The following TMEM45A variants were observed in gnomAD, a reference collection of about 807,000 sequenced individuals.
TMEM45A encodes DNA polymerase-transactivated protein 4.
TMEM45A carries 25 observed loss-of-function variants against 32.0 expected under a neutral mutation model. The ratio of observed to expected loss-of-function variants is 0.78; its 90% CI spans 0.57 to 1.09. The LOEUF (loss-of-function observed/expected upper bound fraction) is 1.09. Among genes scored for constraint, TMEM45A ranks in the 50% least tolerant of loss-of-function variants. The pLI, the probability that TMEM45A is intolerant of heterozygous loss-of-function variation, is 0.00. For synonymous variants in TMEM45A, 122 were observed against 114.8 expected (o/e 1.06, Z -0.40); for missense variants, 302 against 325.0 (o/e 0.93, Z 0.54).
At chr3:100,569,070 A>G (rs1706503355) in intron 5 of TMEM45A, 103 bp downstream of exon 5, 1 of 1,211,714 alleles carries the variant, frequency 8.3e-7, no homozygotes. Flanking sequence ...TTCATTCCTT[A>G]TCATCCCATA....
intron 1 of TMEM45A, among the ~76,000 whole-genome samples, chr3:100,495,170 A>G (rs750995359): frequency 6.6e-6 from 1 of 152,196 alleles, no homozygotes; most frequent in Non-Finnish European, 1.5e-5. Context: ...ATAAGGAGAG[A>G]GAGTCTTGAA....
chr3:100,517,911 A>G (rs1708289596), intron 1 of TMEM45A, among the ~76,000 whole-genome samples: 1 of 152,346 alleles, frequency 6.6e-6, no homozygotes, highest in South Asian at 2.1e-4. Flanking sequence ...GCTTGTTTAC[A>G]GGCCTCACTT....
rs1706233844 is a variant in TMEM45A at position 100,556,937 on chromosome 3, C to G, written c.368C>G (p.Thr123Ser). ...ATCAGTTCACTTCCTGTGTCCTTAA[C>G]CAAGTTAATGTTGTCAAATGCCTTA... is the stretch of plus-strand genomic sequence containing the variant. ...FTISSLPVSL[T>S]KLMLSNALFV... is the part of the protein sequence containing the mutation. Residue 123 changes from threonine (T) to serine (S), a missense_variant, in exon 3 of 6, where the codon ACC becomes AGC. Thr to Ser is a moderately conservative substitution (Grantham distance 58). Coordinates refer to ENST00000323523, the MANE Select transcript of TMEM45A (RefSeq NM_018004.3). 2 of 1,614,164 alleles carry G rather than the reference C, an allele frequency of 1.2e-6. No homozygotes were observed. Among genetic ancestry groups the G allele is most frequent in the Non-Finnish European group, 1.7e-6 (2 of 1,180,020 alleles).
At chr3:100,494,488 G>T (rs62276522) in intron 1 of TMEM45A, among the ~76,000 whole-genome samples, 1 of 151,808 alleles carries the variant, frequency 6.6e-6, no homozygotes, top group African/African-American at 2.4e-5. Flanking sequence ...TGGGTGTGGT[G>T]GTGCGCACCT....
chr3:100,526,481 G>A (rs957727752), intron 1 of TMEM45A, among the ~76,000 whole-genome samples: 3 of 151,990 alleles, frequency 2.0e-5, no homozygotes, highest in African/African-American at 7.3e-5. Flanking sequence ...CATCAAACTA[G>A]CTTCAAATCC....
At position 100,555,246 on chromosome 3, in the gene TMEM45A, C is replaced by G. The variant is rs200878698; in HGVS notation, c.35C>G (p.Thr12Ser). 4 of 1,610,456 alleles carry G rather than the reference C, an allele frequency of 2.5e-6. No homozygotes were observed. In the East Asian group the frequency reaches 8.9e-5, roughly 36 times the overall value. Reference protein sequence around the residue: ...GNFRGHALPGTFFFIIGLWWC... With the variant: ...GNFRGHALPGSFFFIIGLWWC... ...TTCAGAGGTCATGCCCTCCCTGGAA[C>G]CTTCTTTTTTATTATTGGTCTTTGG... Residue 12 changes from threonine to serine, a missense_variant, in exon 2 of 6, where the codon ACC becomes AGC. Thr to Ser is a moderately conservative substitution (Grantham distance 58). Coordinates refer to ENST00000323523, the MANE Select transcript of TMEM45A (RefSeq NM_018004.3).
intron 1 of TMEM45A, among the ~76,000 whole-genome samples, chr3:100,494,109 G>A (rs1042452111): frequency 2.6e-5 from 4 of 152,068 alleles, no homozygotes; most frequent in South Asian, 2.1e-4. Flanking sequence ...AGATAGTTCC[G>A]GTATACATTA....
intron 1 of TMEM45A, among the ~76,000 whole-genome samples, chr3:100,513,404 G>C (rs1315762962): frequency 2.0e-5 from 3 of 150,444 alleles, no homozygotes; most frequent in African/African-American, 7.4e-5. Context: ...ATGCAGAAAA[G>C]GCCTTTGACA....
chr3:100,522,252 T>TTGGGGG (rs1323803943), intron 1 of TMEM45A, among the ~76,000 whole-genome samples: 4 of 152,236 alleles, frequency 2.6e-5, no homozygotes, highest in African/African-American at 9.6e-5. Flanking sequence ...TTTGGGGGGC[T>TTGGGGG]GACTCTGGCC....
chr3:100,518,240 T>G (rs1705341204), intron 1 of TMEM45A, among the ~76,000 whole-genome samples: 1 of 152,248 alleles, frequency 6.6e-6, no homozygotes. Context: ...GCTCAAGTGT[T>G]AACAGGAGTG....
intron 1 of TMEM45A, among the ~76,000 whole-genome samples, chr3:100,529,820 G>A (rs1418347147): frequency 2.6e-5 from 4 of 152,104 alleles, no homozygotes; most frequent in Non-Finnish European, 2.9e-5. Flanking sequence ...GTTTCATTAT[G>A]TTGCCCAGGC....
At position 100,539,490 on chromosome 3, in the gene TMEM45A, T is replaced by TATAC. The variant is rs1383500797; in HGVS notation, c.-3-15719_-3-15718insATAC. ...ATGTATATGTATATGTATATGTATA[T>TATAC]GTATACGTATACGTATACGTATACG... On this transcript the variant is annotated intron_variant, in intron 1 of 5. Transcript: ENST00000323523. Among the ~76,000 whole-genome samples the TATAC allele has an allele frequency of 9.2e-3, 667 of 72,248 alleles. 8 individuals are homozygous for TATAC. The highest frequency in any genetic ancestry group is 0.015 in the East Asian group (44 of 2,864). 47.4% of individuals were successfully genotyped at this position (72,248 alleles called of 152,430 possible).
chr3:100,569,004 C>A, intron 5 of TMEM45A, 37 bp downstream of exon 5: 2 of 1,586,350 alleles, frequency 1.3e-6, no homozygotes, highest in Non-Finnish European at 1.7e-6. Flanking sequence ...AGTTCTGTTC[C>A]TTGGTATGTG....
intron 1 of TMEM45A, among the ~76,000 whole-genome samples, chr3:100,522,748 G>A (rs547167130): frequency 3.3e-4 from 51 of 152,280 alleles, no homozygotes; most frequent in African/African-American, 1.2e-3. Flanking sequence ...TGTTCCCACT[G>A]GGGGCACACA....
intron 1 of TMEM45A, among the ~76,000 whole-genome samples, chr3:100,544,060 A>G (rs1204566509): frequency 6.6e-6 from 1 of 150,904 alleles, no homozygotes; most frequent in African/African-American, 2.5e-5. Flanking sequence ...ATATTTGGAC[A>G]TATAGAAGTT....
chr3:100,535,028 G>A (rs1196742710), intron 1 of TMEM45A, among the ~76,000 whole-genome samples: 10 of 152,106 alleles, frequency 6.6e-5, no homozygotes, highest in Admixed American at 5.9e-4. Flanking sequence ...TCTCTATCAT[G>A]TTGTCCTGGG....
At chr3:100,552,282 CT>C (rs1706122509) in intron 1 of TMEM45A, among the ~76,000 whole-genome samples, 1 of 152,056 alleles carries the variant, frequency 6.6e-6, no homozygotes, top group Non-Finnish European at 1.5e-5. Context: ...GTTGCACAGG[CT>C]TTCATAATAT....
At chr3:100,545,010 T>G (rs940853970) in intron 1 of TMEM45A, among the ~76,000 whole-genome samples, 1 of 152,224 alleles carries the variant, frequency 6.6e-6, no homozygotes, top group Non-Finnish European at 1.5e-5. Flanking sequence ...TTGTCAGTCT[T>G]TTAAAATTTA....
At chr3:100,548,797 G>A (rs1019883432) in intron 1 of TMEM45A, among the ~76,000 whole-genome samples, 3 of 152,228 alleles carry the variant, frequency 2.0e-5, no homozygotes, top group Non-Finnish European at 4.4e-5. Context: ...CCTGTACAAT[G>A]CAAGTGATGA....
Sources: allele counts gnomAD v4.1 joint callset (sites outside exome capture counted in the v4.1 genomes callset), GRCh38; gene constraint gnomAD v4.1.1; transcripts MANE v1.5; gene names NCBI Gene and HGNC (gene_info 2026-07-23, HGNC 2026-07-21).